The following SLC38A12 variants were observed in gnomAD, a reference collection of about 807,000 sequenced individuals.
SLC38A12 encodes the protein putative sodium-coupled neutral amino acid transporter 12.
chr17:74,836,919 C>T, the SLC38A12 span: 38 of 1,350,660 alleles, frequency 2.8e-5, no homozygotes, highest in African/African-American at 4.4e-5. The surrounding 1 kb of genome is among the most constrained non-coding windows in gnomAD (Gnocchi z 4.2). Flanking sequence ...GCCTGGGTGA[C>T]GCGTGGCTGC....
chr17:74,836,227 G>A, the SLC38A12 span: 856 of 1,611,504 alleles, frequency 5.3e-4, 1 homozygote, highest in Middle Eastern at 4.8e-3. The surrounding 1 kb of genome is among the most constrained non-coding windows in gnomAD (Gnocchi z 4.2). Flanking sequence ...AACTTCGCGC[G>A]CTGTGACGTC....
chr17:74,811,343 AAAAC>A, the SLC38A12 span, among the ~76,000 whole-genome samples: 1 of 152,004 alleles, frequency 6.6e-6, no homozygotes, highest in Non-Finnish European at 1.5e-5. Flanking sequence ...AAACCAAAAA[AAAAC>A]AAACAAAAAA....
At chr17:74,832,705 G>A in the SLC38A12 span, among the ~76,000 whole-genome samples, 117 of 152,338 alleles carry the variant, frequency 7.7e-4, no homozygotes, top group African/African-American at 2.7e-3. Context: ...AGCAGTGCAG[G>A]GTGTGACCAA....
chr17:74,817,559 C>A, the SLC38A12 span, among the ~76,000 whole-genome samples: 1 of 152,176 alleles, frequency 6.6e-6, no homozygotes, highest in African/African-American at 2.4e-5. Context: ...CTTACAATAC[C>A]TTTCAGAGGT....
chr17:74,795,146 C>A, the SLC38A12 span: 1 of 1,573,012 alleles, frequency 6.4e-7, no homozygotes, highest in Non-Finnish European at 8.7e-7. Flanking sequence ...TTGGCGGTAG[C>A]CAAAGGGGCT....
the SLC38A12 span, among the ~76,000 whole-genome samples, chr17:74,778,216 C>T: frequency 2.6e-5 from 4 of 152,180 alleles, no homozygotes; most frequent in African/African-American, 7.2e-5. Flanking sequence ...CCAACACACA[C>T]GCAGTTTATC....
the SLC38A12 span, among the ~76,000 whole-genome samples, chr17:74,791,990 CA>C: frequency 6.7e-6 from 1 of 149,630 alleles, no homozygotes; most frequent in Admixed American, 6.6e-5. Context: ...ACTAAAAATA[CA>C]AAAAATTAGC....
the SLC38A12 span, chr17:74,777,449 G>A: frequency 1.2e-6 from 2 of 1,605,818 alleles, no homozygotes; most frequent in Non-Finnish European, 8.5e-7. Context: ...GCTTGCTGGA[G>A]ATGGGACTAG....
the SLC38A12 span, chr17:74,837,758 C>T: frequency 2.0e-6 from 2 of 985,876 alleles, no homozygotes; most frequent in Non-Finnish European, 1.2e-6. Flanking sequence ...CAGCCATGCA[C>T]GCACTTGCTG....
chr17:74,785,106 A>G, the SLC38A12 span, among the ~76,000 whole-genome samples: 1 of 152,168 alleles, frequency 6.6e-6, no homozygotes, highest in South Asian at 2.1e-4. Context: ...GGTCAGCATT[A>G]TGCGCTCACC....
At chr17:74,776,785 A>G in the SLC38A12 span, among the ~76,000 whole-genome samples, 1 of 152,072 alleles carries the variant, frequency 6.6e-6, no homozygotes. Flanking sequence ...AGGCCCCATT[A>G]AAAAAAGGAG....
chr17:74,803,695 C>T, the SLC38A12 span, among the ~76,000 whole-genome samples: 3 of 152,176 alleles, frequency 2.0e-5, no homozygotes, highest in Non-Finnish European at 2.9e-5. Context: ...CTGACCTGTG[C>T]GTGCACATGC....
chr17:74,827,838 CCT>C, the SLC38A12 span, among the ~76,000 whole-genome samples: 7 of 152,308 alleles, frequency 4.6e-5, no homozygotes, highest in South Asian at 4.1e-4. This position sits in a 1 kb window ranked among gnomAD's most constrained non-coding sequence, Gnocchi z 4.7. Context: ...ATCACCTCCC[CCT>C]GTTTTAGGGC....
chr17:74,837,745 A>G, the SLC38A12 span: 2 of 985,690 alleles, frequency 2.0e-6, no homozygotes, highest in African/African-American at 1.7e-5. Flanking sequence ...GCCACCTCCC[A>G]CTCAGCCATG....
At chr17:74,809,330 C>T in the SLC38A12 span, among the ~76,000 whole-genome samples, 14 of 152,238 alleles carry the variant, frequency 9.2e-5, no homozygotes, top group South Asian at 1.2e-3. Context: ...ACAGCAAACC[C>T]AAGAACTGCC....
At chr17:74,795,136 T>C in the SLC38A12 span, 1 of 1,606,188 alleles carries the variant, frequency 6.2e-7, no homozygotes. Context: ...GGCCCCCAGG[T>C]TGGCGGTAGC....
the SLC38A12 span, among the ~76,000 whole-genome samples, chr17:74,830,999 T>A: frequency 6.6e-6 from 1 of 152,148 alleles, no homozygotes; most frequent in African/African-American, 2.4e-5. Context: ...GGGGCCCCCC[T>A]CCTCGTCTCT....
At chr17:74,824,262 T>G in the SLC38A12 span, among the ~76,000 whole-genome samples, 1 of 152,120 alleles carries the variant, frequency 6.6e-6, no homozygotes. Flanking sequence ...TTGAGGAAGC[T>G]CTGAGCTGGG....
chr17:74,789,988 C>T, the SLC38A12 span, among the ~76,000 whole-genome samples: 1 of 141,532 alleles, frequency 7.1e-6, no homozygotes, highest in African/African-American at 2.8e-5. Context: ...GGTCTTCGCT[C>T]TGTCACCCAG....
Sources: allele counts gnomAD v4.1 joint callset (sites outside exome capture counted in the v4.1 genomes callset), GRCh38; gene constraint gnomAD v4.1.1; non-coding constraint Gnocchi (gnomAD v3.1); transcripts MANE v1.5; gene names NCBI Gene and HGNC (gene_info 2026-07-23, HGNC 2026-07-21).